Variants in MELK observed in about 807,000 individuals in gnomAD.
The protein encoded by MELK is pEg3 kinase.
Under a neutral mutation model 85.0 loss-of-function variants are expected in MELK, and 81 were observed. The ratio of observed to expected loss-of-function variants is 0.95; its 90% CI spans 0.80 to 1.15. MELK has a LOEUF of 1.15. Ranked by LOEUF, MELK falls within the 50% of genes most tolerant of loss-of-function variation. The probability of loss-of-function intolerance (pLI) is 0.00; values close to 1 mark genes in which losing one functional copy is unlikely to be tolerated. For missense variants in MELK, 754 were observed against 777.5 expected (o/e 0.97, Z 0.36); for synonymous variants, 252 against 265.0 (o/e 0.95, Z 0.48).
chr9:36,631,864 G>A (rs765737044), intron 9 of MELK, among the ~76,000 whole-genome samples: 16 of 151,566 alleles, frequency 1.1e-4, no homozygotes, highest in African/African-American at 2.7e-4. Context: ...GTTTCGCTAC[G>A]TTGCCCAGGC....
chr9:36,636,802 T>TCTG (rs1829243605), intron 10 of MELK, among the ~76,000 whole-genome samples: 11 of 75,318 alleles, frequency 1.5e-4, no homozygotes, highest in African/African-American at 3.3e-4. Context: ...CTTTCTTTCT[T>TCTG]TCTGTCTTTC....
At chr9:36,594,922 T>G (rs1824027727) in intron 5 of MELK, 151 bp downstream of exon 5, 1 of 805,054 alleles carries the variant, frequency 1.2e-6, no homozygotes, top group Non-Finnish European at 1.8e-6. Context: ...TTTTTCCTCT[T>G]ACTTTTTTTT....
At chr9:36,590,082 C>T (rs975056420) in intron 4 of MELK, among the ~76,000 whole-genome samples, 3 of 151,856 alleles carry the variant, frequency 2.0e-5, no homozygotes, top group Admixed American at 6.6e-5. Flanking sequence ...CCACCATGCC[C>T]GGCTAATTTT....
chr9:36,604,403 A>G (rs1464118652), intron 7 of MELK, among the ~76,000 whole-genome samples: 1 of 143,472 alleles, frequency 7.0e-6, no homozygotes, highest in African/African-American at 2.6e-5. Flanking sequence ...GGTTCAGGCG[A>G]TTCTCATTCC....
intron 9 of MELK, among the ~76,000 whole-genome samples, chr9:36,631,580 A>T (rs1031245472): frequency 2.2e-4 from 33 of 150,418 alleles, no homozygotes; most frequent in Middle Eastern, 3.4e-3. Flanking sequence ...CTCTTTTTTT[A>T]AAAAAAAATT....
At chr9:36,645,850 G>C (rs1056190646) in intron 11 of MELK, among the ~76,000 whole-genome samples, 5 of 152,144 alleles carry the variant, frequency 3.3e-5, no homozygotes, top group Non-Finnish European at 2.9e-5. Context: ...GCAGCATCCA[G>C]GTGCTTTTTA....
At chr9:36,580,768 G>T (rs543901806) in intron 1 of MELK, among the ~76,000 whole-genome samples, 1 of 144,316 alleles carries the variant, frequency 6.9e-6, no homozygotes, top group African/African-American at 2.6e-5. Flanking sequence ...TGGCTGTTTC[G>T]CCCAGGCTAG....
At chr9:36,591,586 G>T (rs893433449) in intron 4 of MELK, among the ~76,000 whole-genome samples, 2 of 151,296 alleles carry the variant, frequency 1.3e-5, no homozygotes, top group African/African-American at 2.4e-5. Context: ...AAAAGAAAAA[G>T]AATTGTTAAA....
Position 36,666,904 on chromosome 9 carries a change from T to A in MELK, c.1408+1323T>A, listed in dbSNP as rs1017725198. Among the ~76,000 whole-genome samples, 5 of 125,894 alleles carry A rather than the reference T, an allele frequency of 4.0e-5. 1 individual carries two copies. Among genetic ancestry groups the A allele is most frequent in the East Asian group, 4.7e-4 (2 of 4,264 alleles). The allele number at this position is 125,894 out of a possible 152,430, so 82.6% of individuals were successfully genotyped here. A position where few individuals can be genotyped will look rare whatever the true frequency, so the allele number is the denominator to read the frequency against. On this transcript the variant is annotated intron_variant, in intron 14 of 17. Transcript: ENST00000298048. ...GTGTGTGTGTGTGTGTGTGTGTGTG[T>A]GTGATGGTGTGTGTGTGGGGGGGTG...
At chr9:36,668,096 A>T (rs1242248270) in intron 14 of MELK, among the ~76,000 whole-genome samples, 4 of 152,142 alleles carry the variant, frequency 2.6e-5, no homozygotes, top group East Asian at 1.9e-4. Context: ...ATTGTGAGTT[A>T]TTTTTGACAT....
intron 3 of MELK, among the ~76,000 whole-genome samples, chr9:36,586,992 G>C (rs1177295362): frequency 2.6e-5 from 4 of 151,990 alleles, no homozygotes; most frequent in Admixed American, 2.6e-4. Flanking sequence ...CTCCAGAGTA[G>C]CTGGGACCAC....
At chr9:36,656,333 A>G (rs539679277) in intron 12 of MELK, among the ~76,000 whole-genome samples, 3 of 152,194 alleles carry the variant, frequency 2.0e-5, no homozygotes, top group Non-Finnish European at 4.4e-5. Context: ...TATTATAGTG[A>G]TTATGTGATA....
At chr9:36,661,948 A>C (rs1312998367) in intron 13 of MELK, among the ~76,000 whole-genome samples, 1 of 151,046 alleles carries the variant, frequency 6.6e-6, no homozygotes, top group Non-Finnish European at 1.5e-5. Context: ...AAAAAAAAAA[A>C]AAAAAAAACA....
At chr9:36,598,538 C>A (rs1216824006) in intron 6 of MELK, among the ~76,000 whole-genome samples, 7 of 151,994 alleles carry the variant, frequency 4.6e-5, no homozygotes, top group Non-Finnish European at 8.8e-5. Flanking sequence ...TGTGGGAGGG[C>A]AGAGGAGGAT....
chr9:36,638,972 G>A (rs547793149), intron 10 of MELK, among the ~76,000 whole-genome samples: 3 of 152,304 alleles, frequency 2.0e-5, no homozygotes, highest in Admixed American at 6.5e-5. Flanking sequence ...CAGGGCCCAC[G>A]TCCTGTGTAT....
intron 4 of MELK, among the ~76,000 whole-genome samples, chr9:36,592,423 A>G (rs1823718860): frequency 6.6e-6 from 1 of 151,912 alleles, no homozygotes; most frequent in Non-Finnish European, 1.5e-5. Flanking sequence ...CAATTTGCCC[A>G]CTTCAGCCTC....
chr9:36,628,767 T>C (rs1270251464), intron 8 of MELK, among the ~76,000 whole-genome samples: 1 of 152,166 alleles, frequency 6.6e-6, no homozygotes, highest in African/African-American at 2.4e-5. Flanking sequence ...TGTCATATAT[T>C]ACTCTTTATA....
intron 8 of MELK, among the ~76,000 whole-genome samples, chr9:36,625,058 G>A (rs927662227): frequency 3.3e-5 from 5 of 152,150 alleles, no homozygotes; most frequent in Admixed American, 2.0e-4. Flanking sequence ...CCATTCTTGT[G>A]CAGTTGGAGG....
chr9:36,602,559 C>CTT (rs112982020), intron 7 of MELK, among the ~76,000 whole-genome samples: 7 of 119,598 alleles, frequency 5.9e-5, no homozygotes, highest in Non-Finnish European at 1.0e-4. Flanking sequence ...GCTCTACAGA[C>CTT]TTTTTTTTTT....
Sources: allele counts gnomAD v4.1 joint callset (sites outside exome capture counted in the v4.1 genomes callset), GRCh38; gene constraint gnomAD v4.1.1; transcripts MANE v1.5; gene names NCBI Gene and HGNC (gene_info 2026-07-23, HGNC 2026-07-21).